Variants in PDLIM5 observed in about 807,000 individuals in gnomAD.
PDLIM5 encodes PDZ and LIM domain 5.
Under a neutral mutation model 64.2 loss-of-function variants are expected in PDLIM5, and 34 were observed. The observed-to-expected ratio is 0.53, with a 90% CI of 0.40 to 0.71. PDLIM5 has a LOEUF of 0.71. Among genes scored for constraint, PDLIM5 ranks in the 30% least tolerant of loss-of-function variants. The probability of loss-of-function intolerance (pLI) is 0.00; values close to 1 mark genes in which losing one functional copy is unlikely to be tolerated. For missense variants in PDLIM5, 683 were observed against 733.6 expected (o/e 0.93, Z 0.80); for synonymous variants, 253 against 269.1 (o/e 0.94, Z 0.59).
intron 2 of PDLIM5, among the ~76,000 whole-genome samples, chr4:94,521,977 T>C (rs1375581095): frequency 6.6e-6 from 1 of 152,218 alleles, no homozygotes; most frequent in African/African-American, 2.4e-5. Flanking sequence ...AGATGTCCCT[T>C]TGTCTCACAG....
At chr4:94,491,856 A>G (rs1240479352) in intron 2 of PDLIM5, among the ~76,000 whole-genome samples, 1 of 152,066 alleles carries the variant, frequency 6.6e-6, no homozygotes, top group Non-Finnish European at 1.5e-5. Context: ...GATTAATGCA[A>G]TCTAATGCAT....
intron 2 of PDLIM5, among the ~76,000 whole-genome samples, chr4:94,504,260 A>T (rs1483866504): frequency 1.3e-5 from 2 of 152,024 alleles, no homozygotes; most frequent in Non-Finnish European, 2.9e-5. Context: ...ATGATGTGTA[A>T]TGAGAATCAG....
chr4:94,626,411 G>GT (rs1381642774), intron 8 of PDLIM5, among the ~76,000 whole-genome samples: 3 of 152,172 alleles, frequency 2.0e-5, no homozygotes, highest in African/African-American at 4.8e-5. Flanking sequence ...CAAAAGAATT[G>GT]TTTAGAGTTC....
chr4:94,622,457 A>C (rs1256799817), intron 8 of PDLIM5, among the ~76,000 whole-genome samples: 1 of 152,252 alleles, frequency 6.6e-6, no homozygotes, highest in Non-Finnish European at 1.5e-5. Flanking sequence ...AATCATATAC[A>C]AAATGAGAAT....
intron 3 of PDLIM5, among the ~76,000 whole-genome samples, chr4:94,558,425 C>A (rs1292551590): frequency 6.6e-6 from 1 of 152,152 alleles, no homozygotes; most frequent in African/African-American, 2.4e-5. Flanking sequence ...AAAAGGCTAG[C>A]ATTTAATTGT....
chr4:94,647,735 T>A (rs961387587), intron 9 of PDLIM5, among the ~76,000 whole-genome samples: 1 of 152,180 alleles, frequency 6.6e-6, no homozygotes, highest in Admixed American at 6.5e-5. Context: ...ATGTGGAACA[T>A]TCTCCGGGAT....
At position 94,664,773 on chromosome 4, in the gene PDLIM5, G is replaced by A. The variant is rs1742988498; in HGVS notation, c.*706G>A. The A allele has an allele frequency of 4.9e-6, 1 of 204,022 alleles. No homozygotes were observed. Among genetic ancestry groups the A allele is most frequent in the African/African-American group, 2.4e-5 (1 of 42,470 alleles). The allele number at this position is 204,022 out of a possible 1,614,324, so 12.6% of individuals were successfully genotyped here. ...TAATCCCAGCTACTCAAGAGGCTGA[G>A]GCACGAGAATCACTTGAACCCGGGA... On this transcript the variant is annotated 3_prime_UTR_variant, in exon 13 of 13. Transcript: ENST00000317968.
intron 2 of PDLIM5, among the ~76,000 whole-genome samples, chr4:94,486,265 G>GTTCCAACCACTCA (rs1726328477): frequency 6.6e-6 from 1 of 151,874 alleles, no homozygotes; most frequent in Admixed American, 6.6e-5. Flanking sequence ...TTTAGCTTTT[G>GTTCCAACCACTCA]GTAAGTTAGG....
chr4:94,659,271 T>C (rs139722294), intron 11 of PDLIM5, among the ~76,000 whole-genome samples: 210 of 152,246 alleles, frequency 1.4e-3, no homozygotes, highest in Middle Eastern at 6.8e-3. Flanking sequence ...TCTTTCCTTA[T>C]CCAATCTAAA....
chr4:94,533,244 A>G (rs1731048535), intron 3 of PDLIM5, among the ~76,000 whole-genome samples: 1 of 152,214 alleles, frequency 6.6e-6, no homozygotes. Context: ...TGGGTTGGTT[A>G]GGATGTATTT....
intron 2 of PDLIM5, among the ~76,000 whole-genome samples, chr4:94,471,982 C>T (rs1724915893): frequency 6.6e-6 from 1 of 151,630 alleles, no homozygotes; most frequent in Non-Finnish European, 1.5e-5. Context: ...CTTATAAAGA[C>T]CTTATAAGTA....
intron 2 of PDLIM5, among the ~76,000 whole-genome samples, chr4:94,494,263 C>T (rs1159710401): frequency 6.6e-6 from 1 of 151,752 alleles, no homozygotes; most frequent in Non-Finnish European, 1.5e-5. Flanking sequence ...GTGCTGTGCC[C>T]AGCCAAGACT....
At chr4:94,599,508 ATGT>A (rs1737323501) in intron 7 of PDLIM5, among the ~76,000 whole-genome samples, 1 of 152,218 alleles carries the variant, frequency 6.6e-6, no homozygotes, top group Non-Finnish European at 1.5e-5. Context: ...GATTTCAGAC[ATGT>A]TGTACTTGTT....
chr4:94,492,415 T>A (rs897225164), intron 2 of PDLIM5, among the ~76,000 whole-genome samples: 8 of 152,130 alleles, frequency 5.3e-5, no homozygotes, highest in African/African-American at 1.7e-4. Flanking sequence ...TTACATAACA[T>A]GAAATTAACC....
At chr4:94,528,064 A>T (rs944984123) in intron 3 of PDLIM5, among the ~76,000 whole-genome samples, 1 of 152,120 alleles carries the variant, frequency 6.6e-6, no homozygotes, top group African/African-American at 2.4e-5. Flanking sequence ...TCCTCCTCAC[A>T]TTGTCCTCTC....
intron 2 of PDLIM5, among the ~76,000 whole-genome samples, chr4:94,501,510 G>T (rs948363053): frequency 1.3e-5 from 2 of 152,300 alleles, no homozygotes; most frequent in East Asian, 1.9e-4. Context: ...TAAGAATTTA[G>T]AAATTTTTAT....
At chr4:94,514,606 G>A (rs1205506813) in intron 2 of PDLIM5, among the ~76,000 whole-genome samples, 1 of 152,176 alleles carries the variant, frequency 6.6e-6, no homozygotes, top group Non-Finnish European at 1.5e-5. Flanking sequence ...AACAGTTTAA[G>A]TAGGATTGTA....
chr4:94,585,558 A>G lies in PDLIM5; in HGVS notation c.711-7A>G. On this transcript the variant is annotated splice_polypyrimidine_tract_variant and splice_region_variant and intron_variant, in intron 5 of 12. Transcript: ENST00000317968. ...ATTTTTAATTTTTTTTTTCTCCTTA[A>G]CCCTAGCCCACCAAGAAAACACATT... The G allele has an allele frequency of 1.1e-5, 17 of 1,561,444 alleles. No homozygotes were observed. The highest frequency in any genetic ancestry group is 1.5e-5 in the Non-Finnish European group (17 of 1,148,758).
At position 94,570,814 on chromosome 4, in the gene PDLIM5, A is replaced by C. The variant is rs188531157; in HGVS notation, c.249-2537A>C. 1.0e-3 allele frequency among the ~76,000 whole-genome samples: 158 copies of C among 152,302 alleles called. 1 individual carries two copies. Among genetic ancestry groups the C allele is most frequent in the Non-Finnish European group, 6.2e-4 (42 of 68,022 alleles). The stretch of plus-strand genomic sequence containing the variant: ...AAGATGGCCATGCTGTGGGAAACTT[A>C]GACAAGAGCTCATCTCATAGAAGAT... On this transcript the variant is annotated intron_variant, in intron 3 of 12. Coordinates refer to ENST00000317968, the MANE Select transcript of PDLIM5 (RefSeq NM_006457.5).
Sources: gnomAD v4.1 joint callset for allele counts (sites outside exome capture counted in the v4.1 genomes callset) on GRCh38, gnomAD v4.1.1 for gene constraint, MANE v1.5 for transcripts, NCBI Gene and HGNC (gene_info 2026-07-23, HGNC 2026-07-21) for gene names.